Variants in LPP observed in about 807,000 individuals in gnomAD.
LPP encodes lipoma-preferred partner.
In LPP, 38 loss-of-function variants were observed where a neutral mutation model predicts 60.4. The ratio of observed to expected loss-of-function variants is 0.63; its 90% CI spans 0.49 to 0.83. The LOEUF (loss-of-function observed/expected upper bound fraction) is 0.83. Among genes scored for constraint, LPP ranks in the 40% least tolerant of loss-of-function variants. The pLI is 0.00. For synonymous variants in LPP, 328 were observed against 290.8 expected, an observed-to-expected ratio of 1.13 and a Z score of -1.30; for missense variants, 902 against 783.6, an observed-to-expected ratio of 1.15 and a Z score of -1.80.
At chr3:188,355,312 G>A (rs1382881679) in intron 3 of LPP, among the ~76,000 whole-genome samples, 1 of 152,116 alleles carries the variant, frequency 6.6e-6, no homozygotes, top group South Asian at 2.1e-4. Flanking sequence ...TGGCTAGAAA[G>A]AAGAGACATT....
At chr3:188,840,051 C>T (rs564335005) in intron 9 of LPP, among the ~76,000 whole-genome samples, 34 of 152,198 alleles carry the variant, frequency 2.2e-4, no homozygotes, top group Middle Eastern at 3.4e-3. Context: ...TCCAGTCTTA[C>T]CTCCTAGAAT....
intron 4 of LPP, among the ~76,000 whole-genome samples, chr3:188,463,312 C>G (rs1193211028): frequency 2.0e-5 from 3 of 151,532 alleles, no homozygotes; most frequent in African/African-American, 7.3e-5. Context: ...GTCTCAACCT[C>G]CAGAGTAACT....
At position 188,771,710 on chromosome 3, in the gene LPP, G is replaced by A. The variant is rs569267812; in HGVS notation, c.1410+11428G>A. Reference sequence around the variant, plus strand: ...AAAATCAGTGTGGGGGCTTTGAGTCGTAAATAACTGTACCAGGGCTTAGCC... The same window carrying A: ...AAAATCAGTGTGGGGGCTTTGAGTCATAAATAACTGTACCAGGGCTTAGCC... On this transcript the variant is annotated intron_variant, in intron 9 of 11. Coordinates refer to ENST00000617246, the MANE Select transcript of LPP (RefSeq NM_001375462.1). Among the ~76,000 whole-genome samples, 46 of 152,242 alleles carry A rather than the reference G, an allele frequency of 3.0e-4. 1 individual carries two copies. The highest frequency in any genetic ancestry group is 2.0e-4 in the Admixed American group (3 of 15,282).
intron 3 of LPP, among the ~76,000 whole-genome samples, chr3:188,388,852 T>C (rs1263876306): frequency 1.3e-5 from 2 of 152,204 alleles, no homozygotes; most frequent in Non-Finnish European, 2.9e-5. Flanking sequence ...TTAGGCTTTG[T>C]AGGCCAGATG....
chr3:188,617,897 T>C (rs1448426202), intron 7 of LPP, among the ~76,000 whole-genome samples: 2 of 152,212 alleles, frequency 1.3e-5, no homozygotes, highest in African/African-American at 4.8e-5. Context: ...TATTGACATA[T>C]TGATATATTC....
chr3:188,320,833 T>C (rs1453899644), intron 2 of LPP, among the ~76,000 whole-genome samples: 1 of 152,144 alleles, frequency 6.6e-6, no homozygotes, highest in African/African-American at 2.4e-5. Context: ...GAAGAGGAAG[T>C]ATTGGTGACT....
chr3:188,470,259 C>G (rs1324663615), intron 4 of LPP, among the ~76,000 whole-genome samples: 2 of 149,508 alleles, frequency 1.3e-5, no homozygotes, highest in Admixed American at 1.3e-4. Context: ...TTCAACCTCT[C>G]TTTTCTTCTC....
At chr3:188,376,483 C>T (rs192002947) in intron 3 of LPP, among the ~76,000 whole-genome samples, 21 of 152,186 alleles carry the variant, frequency 1.4e-4, no homozygotes, top group African/African-American at 4.6e-4. Context: ...CTCTTTTGAT[C>T]GTTGTTGGTT....
At chr3:188,321,330 G>T (rs573436229) in intron 2 of LPP, among the ~76,000 whole-genome samples, 336 of 152,284 alleles carry the variant, frequency 2.2e-3, no homozygotes, top group Non-Finnish European at 3.7e-3. Context: ...TAATATTTTG[G>T]ATATATTTGT....
rs538242873 is a variant in LPP at position 188,455,839 on chromosome 3, G to C, written c.194-28753G>C. ...AATTGTCAAATGTGGTTGTAAAACG[G>C]TAAATCTATTTTTGTTCATGGCTCA... is the stretch of plus-strand genomic sequence containing the variant. On this transcript the variant is annotated intron_variant, in intron 4 of 11. Coordinates refer to ENST00000617246, the MANE Select transcript of LPP (RefSeq NM_001375462.1). 7.2e-5 allele frequency among the ~76,000 whole-genome samples: 11 copies of C among 152,192 alleles called. No individual in the cohort carries two copies. The East Asian group carries it at 1.9e-3, about 27-fold the overall frequency.
rs546939141 is a variant in LPP, at chr3:188,517,646, T to G, written c.307-7019T>G. Among the ~76,000 whole-genome samples, 311 of 152,066 alleles carry G rather than the reference T, an allele frequency of 2.0e-3. 2 individuals are homozygous for G. The highest frequency in any genetic ancestry group is 7.1e-3 in the African/African-American group (296 of 41,468). The stretch of plus-strand genomic sequence containing the variant: ...GAGGCCTCAGAATCATGGTAGGAGG[T>G]GAAGGGCACTTCTTACATGGCGGTG... On this transcript the variant is annotated intron_variant, in intron 5 of 11. Coordinates refer to ENST00000617246, the MANE Select transcript of LPP (RefSeq NM_001375462.1).
At chr3:188,299,194 G>A (rs1345623976) in intron 2 of LPP, among the ~76,000 whole-genome samples, 1 of 152,284 alleles carries the variant, frequency 6.6e-6, no homozygotes, top group Non-Finnish European at 1.5e-5. Context: ...GCTTTTTTGT[G>A]TGTGCTGCGT....
chr3:188,320,982 G>C (rs1023869816), intron 2 of LPP, among the ~76,000 whole-genome samples: 4 of 152,160 alleles, frequency 2.6e-5, no homozygotes, highest in Non-Finnish European at 5.9e-5. Flanking sequence ...AGTAATCCTT[G>C]GTCCTGTTTG....
At chr3:188,805,518 G>A (rs1748840901) in intron 9 of LPP, among the ~76,000 whole-genome samples, 1 of 139,108 alleles carries the variant, frequency 7.2e-6, no homozygotes, top group Non-Finnish European at 1.5e-5. Flanking sequence ...AATAGAGTTT[G>A]TTGTGATTTT....
intron 2 of LPP, among the ~76,000 whole-genome samples, chr3:188,296,411 T>C (rs528897693): frequency 9.2e-5 from 14 of 152,250 alleles, no homozygotes; most frequent in African/African-American, 3.4e-4. Context: ...GGGAAGGTAG[T>C]TCTAGGCTGA....
chr3:188,386,085 A>G (rs1176798432), intron 3 of LPP, among the ~76,000 whole-genome samples: 1 of 152,044 alleles, frequency 6.6e-6, no homozygotes, highest in Admixed American at 6.6e-5. Context: ...TAGGTGAACA[A>G]AAAAAAGTAT....
intron 8 of LPP, among the ~76,000 whole-genome samples, chr3:188,756,601 T>C (rs1730336721): frequency 6.6e-6 from 1 of 152,218 alleles, no homozygotes; most frequent in African/African-American, 2.4e-5. Flanking sequence ...AATCTCTCCC[T>C]AAAGGACACA....
chr3:188,598,202 A>T, intron 6 of LPP, among the ~76,000 whole-genome samples: 1 of 152,164 alleles, frequency 6.6e-6, no homozygotes, highest in East Asian at 1.9e-4. Flanking sequence ...GAAGATAAAC[A>T]GTAGTTCTAT....
chr3:188,703,539 G>C (rs1245554387), intron 7 of LPP, among the ~76,000 whole-genome samples: 1 of 152,124 alleles, frequency 6.6e-6, no homozygotes, highest in Non-Finnish European at 1.5e-5. Context: ...ATTCTGCACT[G>C]GGTTAGTGAC....
Sources: allele counts gnomAD v4.1 joint callset (sites outside exome capture counted in the v4.1 genomes callset), GRCh38; gene constraint gnomAD v4.1.1; transcripts MANE v1.5; gene names NCBI Gene and HGNC (gene_info 2026-07-23, HGNC 2026-07-21).